The following CEP135 variants were observed in gnomAD, a reference collection of about 807,000 sequenced individuals.
CEP135 encodes the protein centrosomal protein 135, also known as centrosomal protein of 135 kDa.
CEP135 carries 142 observed loss-of-function variants against 157.3 expected under a neutral mutation model. The observed-to-expected ratio is 0.90, with a 90% CI of 0.79 to 1.04. The LOEUF (loss-of-function observed/expected upper bound fraction) is 1.04. CEP135 is among the 50% of genes least tolerant of loss of function. The probability of loss-of-function intolerance (pLI) is 0.00; values close to 1 mark genes in which losing one functional copy is unlikely to be tolerated. For synonymous variants in CEP135, 396 were observed against 439.8 expected, an observed-to-expected ratio of 0.90 and a Z score of 1.25; for missense variants, 1,317 against 1,309.2, an observed-to-expected ratio of 1.01 and a Z score of -0.09.
intron 23 of CEP135, among the ~76,000 whole-genome samples, chr4:56,019,845 G>T (rs116581788): frequency 1.3e-5 from 2 of 151,988 alleles, no homozygotes; most frequent in Non-Finnish European, 2.9e-5. Context: ...AGGCTGAAGC[G>T]TGAGAATCAC....
At chr4:55,958,473 A>G (rs540669656) in intron 5 of CEP135, among the ~76,000 whole-genome samples, 6 of 152,198 alleles carry the variant, frequency 3.9e-5, no homozygotes, top group South Asian at 2.1e-4. Flanking sequence ...GTCACATAAT[A>G]TTTTTATATA....
At chr4:56,018,486 G>C (rs767732696) in intron 22 of CEP135, among the ~76,000 whole-genome samples, 1 of 152,196 alleles carries the variant, frequency 6.6e-6, no homozygotes, top group Admixed American at 6.5e-5. Flanking sequence ...GGCCAGGTAC[G>C]ATAGCTTACA....
At chr4:55,967,951 C>T (rs1728894613) in intron 8 of CEP135, among the ~76,000 whole-genome samples, 1 of 152,158 alleles carries the variant, frequency 6.6e-6, no homozygotes, top group Non-Finnish European at 1.5e-5. Context: ...AAAAGGCATA[C>T]AAATTGCAAA....
chr4:55,949,532 A>G (rs1477511427), intron 1 of CEP135, among the ~76,000 whole-genome samples: 5 of 152,318 alleles, frequency 3.3e-5, no homozygotes, highest in African/African-American at 9.6e-5. Context: ...TTTGAGTTCA[A>G]TAAGAAAGGA....
intron 6 of CEP135, chr4:55,960,060 G>A: frequency 2.0e-6 from 1 of 499,198 alleles, no homozygotes; most frequent in South Asian, 3.6e-5. Flanking sequence ...TTATTTACTC[G>A]ATTCTCTTCA....
chr4:55,951,146 C>T (rs1235406291), intron 1 of CEP135, among the ~76,000 whole-genome samples: 3 of 152,104 alleles, frequency 2.0e-5, no homozygotes, highest in African/African-American at 4.8e-5. Context: ...ATACTTTACC[C>T]CTTCTGCTGT....
chr4:55,956,691 A>G (rs184696430), intron 4 of CEP135, among the ~76,000 whole-genome samples: 4 of 152,162 alleles, frequency 2.6e-5, no homozygotes, highest in Admixed American at 6.5e-5. Context: ...GCCCACCACA[A>G]CCTCGGCCTC....
chr4:55,964,180 C>A, intron 6 of CEP135, 94 bp from the exon 7 acceptor site: 1 of 1,224,420 alleles, frequency 8.2e-7, no homozygotes, highest in Non-Finnish European at 1.1e-6. Context: ...TACATTGGTA[C>A]ATAAGAAAAT....
intron 24 of CEP135, among the ~76,000 whole-genome samples, chr4:56,022,816 C>T (rs1482379664): frequency 6.6e-6 from 1 of 152,080 alleles, no homozygotes; most frequent in African/African-American, 2.4e-5. Flanking sequence ...ATATGGTAGG[C>T]CTGGCATGGT....
rs575998016 is a variant in CEP135, at chr4:55,964,469, A to G, written c.828+67A>G. On this transcript the variant is annotated intron_variant, in intron 7 of 25. Coordinates refer to ENST00000257287, the MANE Select transcript of CEP135 (RefSeq NM_025009.5). The stretch of plus-strand genomic sequence containing the variant: ...TGTTTATAATAAACACTATATGTTT[A>G]TAATGGTCTATGGGTTTGTAAAAGT... 7.6e-6 allele frequency: 10 copies of G among 1,320,178 alleles called. No individual in the cohort carries two copies. The South Asian group carries it at 1.5e-4, about 20-fold the overall frequency. 81.8% of individuals were successfully genotyped at this position (1,320,178 alleles called of 1,614,324 possible).
chr4:56,009,154 TG>T (rs1730473224), intron 18 of CEP135, among the ~76,000 whole-genome samples: 1 of 151,926 alleles, frequency 6.6e-6, no homozygotes, highest in East Asian at 1.9e-4. Flanking sequence ...CAACTGTTTT[TG>T]TTGTTGTTGT....
At chr4:55,972,594 T>G (rs1331917426) in intron 10 of CEP135, among the ~76,000 whole-genome samples, 3 of 152,226 alleles carry the variant, frequency 2.0e-5, no homozygotes, top group African/African-American at 7.2e-5. Flanking sequence ...TCCTCTCTAC[T>G]TATTAGCATG....
Position 55,965,881 on chromosome 4 carries a change from T to A in CEP135, c.1044+22T>A, listed in dbSNP as rs548782714. ...AAAGGTAATGAATGATATGTGTAGA[T>A]TGTGAGAGTGTTCATTAATTCTCCT... On this transcript the variant is annotated intron_variant, in intron 8 of 25. Coordinates refer to ENST00000257287, the MANE Select transcript of CEP135 (RefSeq NM_025009.5). 3.5e-4 allele frequency: 556 copies of A among 1,568,662 alleles called. 5 individuals are homozygous for A. The South Asian group carries it at 5.9e-3, about 17-fold the overall frequency.
rs1159139163 is a variant in CEP135, at chr4:56,011,827, A to G, written c.2644A>G (p.Arg882Gly). The G allele has an allele frequency of 6.3e-7, 1 of 1,575,304 alleles. No homozygotes were observed. The highest frequency in any genetic ancestry group is 2.1e-5 in the Admixed American group (1 of 47,762). Residue 882 changes from arginine to glycine, a missense_variant, in exon 21 of 26, where the codon AGA (arginine) becomes GGA (glycine). Coordinates refer to ENST00000257287, the MANE Select transcript of CEP135 (RefSeq NM_025009.5). The stretch of plus-strand genomic sequence containing the variant: ...AAAAGAAAATCAAGATTTGTTAGAT[A>G]GATTTCAGATGCTTCATAACCGTGC... ...KEKENQDLLD[R>G]FQMLHNRAED...
At chr4:56,005,308 C>G (rs534479346) in intron 17 of CEP135, among the ~76,000 whole-genome samples, 2 of 152,088 alleles carry the variant, frequency 1.3e-5, no homozygotes, top group Admixed American at 6.6e-5. Context: ...ACCTGTAGTC[C>G]CAGATATTCA....
In CEP135 at chr4:55,980,125, T is replaced by C. The variant is rs780093089; in HGVS notation, c.1474-18T>C. The C allele has an allele frequency of 6.3e-7, 1 of 1,593,588 alleles. No individual in the cohort carries two copies. Among genetic ancestry groups the C allele is most frequent in the South Asian group, 1.1e-5 (1 of 88,856 alleles). Reference sequence around the variant, plus strand: ...CCATGTGGTGATGATTATATTTTGTTTTTTAATTATGTTTCAGGGTGATTA... The same window carrying C: ...CCATGTGGTGATGATTATATTTTGTCTTTTAATTATGTTTCAGGGTGATTA... On this transcript the variant is annotated intron_variant, in intron 11 of 25. Transcript: ENST00000257287.
intron 15 of CEP135, among the ~76,000 whole-genome samples, chr4:55,997,886 C>T (rs188207529): frequency 6.6e-6 from 1 of 152,296 alleles, no homozygotes; most frequent in East Asian, 1.9e-4. Context: ...ACCTGAACCT[C>T]ACACATAATT....
intron 21 of CEP135, among the ~76,000 whole-genome samples, chr4:56,012,440 T>C (rs1029096524): frequency 6.6e-6 from 1 of 152,252 alleles, no homozygotes; most frequent in Non-Finnish European, 1.5e-5. Flanking sequence ...ATAATTTGCA[T>C]AGAAGCCCAT....
intron 2 of CEP135, 48 bp from the exon 3 acceptor site, chr4:55,953,037 G>A: frequency 7.2e-7 from 1 of 1,398,122 alleles, no homozygotes; most frequent in Non-Finnish European, 9.5e-7. Context: ...TTAGTTATTA[G>A]AAAGTTAATG....
Sources: allele counts gnomAD v4.1 joint callset (sites outside exome capture counted in the v4.1 genomes callset), GRCh38; gene constraint gnomAD v4.1.1; transcripts MANE v1.5; gene names NCBI Gene and HGNC (gene_info 2026-07-23, HGNC 2026-07-21).